CYP4Z1: variants seen among roughly 807,000 people sequenced by gnomAD.
CYP4Z1 encodes the protein cytochrome P450 4Z1.
A neutral mutation model predicts 54.2 loss-of-function variants in CYP4Z1; 41 were observed. The ratio of observed to expected loss-of-function variants is 0.76; its 90% confidence interval spans 0.59 to 0.98. The LOEUF is 0.98. CYP4Z1 is among the 50% of genes least tolerant of loss of function. The pLI, the probability that CYP4Z1 is intolerant of heterozygous loss-of-function variation, is 0.00. For synonymous variants in CYP4Z1, 163 were observed against 206.2 expected (o/e 0.79, Z 1.79); for missense variants, 513 against 599.0 (o/e 0.86, Z 1.50).
rs375821452 is a variant in CYP4Z1 at position 47,068,778 on chromosome 1, G to A, written c.319+15G>A. 228 of 1,613,318 alleles carry A rather than the reference G, an allele frequency of 1.4e-4. 2 individuals carry two copies. In the South Asian group the frequency reaches 2.3e-3, roughly 16 times the overall value. ...GAAAAGACAAGGTAAAAACCAAGAGGGGCTCACAGTACAGAGCAGCAACAA... is the reference window on the plus strand; with the variant it reads ...GAAAAGACAAGGTAAAAACCAAGAGAGGCTCACAGTACAGAGCAGCAACAA... On this transcript the variant is annotated intron_variant, in intron 2 of 11. Transcript: ENST00000334194.
At position 47,067,668 on chromosome 1, in the gene CYP4Z1, G is replaced by T. The variant is rs548967488; in HGVS notation, c.177+1G>T. ...CCACTGGTTCTATGGCCACAAGGAG[G>T]TAAGAGGAGAAAATTAGTTGGGGAG... On this transcript the variant is annotated splice_donor_variant, in intron 1 of 11. Coordinates refer to ENST00000334194, the MANE Select transcript of CYP4Z1 (RefSeq NM_178134.3). LOFTEE classifies it high-confidence loss of function. 2.3e-3 allele frequency: 3,656 copies of T among 1,594,252 alleles called. 114 individuals are homozygous for T. In the South Asian group the frequency reaches 0.039, roughly 17 times the overall value.
At chr1:47,071,413 AT>A (rs1469077294) in intron 2 of CYP4Z1, among the ~76,000 whole-genome samples, 7 of 123,526 alleles carry the variant, frequency 5.7e-5, no homozygotes, top group Non-Finnish European at 1.2e-4. Flanking sequence ...AGAAAAAAAA[AT>A]AATAAAAAAT....
intron 2 of CYP4Z1, among the ~76,000 whole-genome samples, chr1:47,076,670 C>T (rs1280568624): frequency 2.0e-5 from 3 of 150,732 alleles, no homozygotes; most frequent in Non-Finnish European, 3.0e-5. Context: ...ACAGTGAAAC[C>T]CCGTCTCTAC....
At chr1:47,086,260 A>T (rs1179503368) in intron 6 of CYP4Z1, among the ~76,000 whole-genome samples, 1 of 152,176 alleles carries the variant, frequency 6.6e-6, no homozygotes, top group African/African-American at 2.4e-5. Flanking sequence ...ATCCTTGAGG[A>T]ATCGCCACAC....
chr1:47,066,942 T>C (rs12022635), upstream of CYP4Z1, among the ~76,000 whole-genome samples: 63,483 of 151,648 alleles, frequency 0.42, 14,633 homozygotes, highest in East Asian at 0.97. Flanking sequence ...TAATGTGTCA[T>C]TGTAGGTTCA....
chr1:47,060,674 A>G, the CYP4Z1 span, among the ~76,000 whole-genome samples: 1 of 152,212 alleles, frequency 6.6e-6, no homozygotes, highest in Non-Finnish European at 1.5e-5. Context: ...AAAAATATTC[A>G]GAACCTGAAC....
In CYP4Z1 at chr1:47,118,212, G is replaced by C. The variant is rs1644845056; in HGVS notation, c.*278G>C. On this transcript the variant is annotated 3_prime_UTR_variant, in exon 12 of 12. Transcript: ENST00000334194. ...AGTGGTAGAGTGGCTTTCAAGCATA[G>C]TTTGATCAAAACTCCACTCAGTATC... is the stretch of plus-strand genomic sequence containing the variant. The C allele has an allele frequency of 3.4e-6, 1 of 297,218 alleles. No homozygotes were observed. Among genetic ancestry groups the C allele is most frequent in the East Asian group, 6.4e-5 (1 of 15,580 alleles). The allele number at this position is 297,218 out of a possible 1,614,324, so 18.4% of individuals were successfully genotyped here. A position where few individuals can be genotyped will look rare whatever the true frequency, so the allele number is the denominator to read the frequency against.
intron 2 of CYP4Z1, among the ~76,000 whole-genome samples, chr1:47,069,439 C>A (rs1259539818): frequency 1.7e-5 from 2 of 120,822 alleles, no homozygotes; most frequent in Non-Finnish European, 3.3e-5. Context: ...AAATTTCAAG[C>A]AGCCTGTGGC....
chr1:47,097,265 G>A (rs899242524), intron 7 of CYP4Z1: 1 of 152,182 alleles, frequency 6.6e-6, no homozygotes, highest in African/African-American at 2.4e-5. Flanking sequence ...TAGTGCTGCA[G>A]TGAACATACA....
chr1:47,093,534 G>A (rs537087491), intron 6 of CYP4Z1, among the ~76,000 whole-genome samples: 1 of 152,288 alleles, frequency 6.6e-6, no homozygotes, highest in South Asian at 2.1e-4. Flanking sequence ...CAAATTGCCT[G>A]CTATTATGGC....
Position 47,105,719 on chromosome 1 carries a change from G to A in CYP4Z1, c.1068-409G>A, listed in dbSNP as rs6690005. Among the ~76,000 whole-genome samples the A allele has an allele frequency of 0.43, 65,393 of 151,986 alleles. 15,422 individuals carry two copies. The highest frequency in any genetic ancestry group is 0.96 in the East Asian group (4,970 of 5,170). ...GTGGAAGAGGCGAGTACCAGATGCC[G>A]CTAGTCAGCCATCTTAGAGCCACAT... On this transcript the variant is annotated intron_variant, in intron 8 of 11. Coordinates refer to ENST00000334194, the MANE Select transcript of CYP4Z1 (RefSeq NM_178134.3).
intron 4 of CYP4Z1, among the ~76,000 whole-genome samples, chr1:47,082,773 G>A (rs1644564488): frequency 6.6e-6 from 1 of 151,334 alleles, no homozygotes; most frequent in African/African-American, 2.4e-5. Flanking sequence ...GAGTAGCCAT[G>A]CCAACATAGA....
chr1:47,118,132 T>C lies in CYP4Z1; in HGVS notation c.*198T>C, dbSNP rs751813005. On this transcript the variant is annotated 3_prime_UTR_variant, in exon 12 of 12. Transcript: ENST00000334194. ...ATCTGGTGAAACCCACAAAAACACC[T>C]GAAAAAACTCAAGCTGACTTCCACT... 284 of 536,578 alleles carry C rather than the reference T, an allele frequency of 5.3e-4. No homozygotes were observed. The Middle Eastern group carries it at 6.6e-3, about 12-fold the overall frequency. The allele number at this position is 536,578 out of a possible 1,614,324, so 33.2% of individuals were successfully genotyped here. A position where few individuals can be genotyped will look rare whatever the true frequency, so the allele number is the denominator to read the frequency against.
chr1:47,097,415 C>A (rs968433182), intron 7 of CYP4Z1, among the ~76,000 whole-genome samples: 9 of 152,052 alleles, frequency 5.9e-5, no homozygotes, highest in African/African-American at 2.2e-4. Context: ...AATGGTATTG[C>A]CTAGATTTTT....
chr1:47,118,119 C>T lies in CYP4Z1; in HGVS notation c.*185C>T, dbSNP rs1290123317. The T allele has an allele frequency of 3.2e-5, 19 of 599,506 alleles. No individual in the cohort carries two copies. The highest frequency in any genetic ancestry group is 3.5e-5 in the Admixed American group (1 of 28,820). 37.1% of individuals were successfully genotyped at this position (599,506 alleles called of 1,614,324 possible). A position where few individuals can be genotyped will look rare whatever the true frequency, so the allele number is the denominator to read the frequency against. ...ATTTCTTTGCTGTATCTGGTGAAACCCACAAAAACACCTGAAAAAACTCAA... is the reference window on the plus strand; with the variant it reads ...ATTTCTTTGCTGTATCTGGTGAAACTCACAAAAACACCTGAAAAAACTCAA... On this transcript the variant is annotated 3_prime_UTR_variant, in exon 12 of 12. Transcript: ENST00000334194.
chr1:47,106,668 T>A (rs1644759917), intron 9 of CYP4Z1, among the ~76,000 whole-genome samples: 1 of 152,140 alleles, frequency 6.6e-6, no homozygotes, highest in South Asian at 2.1e-4. Context: ...ACTGGAGCAA[T>A]TGCTGTAATC....
At chr1:47,092,153 C>T (rs976375220) in intron 6 of CYP4Z1, among the ~76,000 whole-genome samples, 1 of 151,934 alleles carries the variant, frequency 6.6e-6, no homozygotes, top group African/African-American at 2.4e-5. Context: ...TGGACAGGGT[C>T]ACGCTGGCTT....
intron 2 of CYP4Z1, among the ~76,000 whole-genome samples, chr1:47,079,345 C>G (rs1644547548): frequency 1.3e-5 from 2 of 152,082 alleles, no homozygotes; most frequent in South Asian, 2.1e-4. Flanking sequence ...AAACAATTAA[C>G]TGTCTTCCAG....
At chr1:47,085,784 G>A (rs1644588844) in intron 6 of CYP4Z1, among the ~76,000 whole-genome samples, 1 of 151,518 alleles carries the variant, frequency 6.6e-6, no homozygotes, top group South Asian at 2.1e-4. Flanking sequence ...ATATTGATGT[G>A]TTGCACCCAT....
Sources: gnomAD v4.1 joint callset for allele counts (sites outside exome capture counted in the v4.1 genomes callset) on GRCh38, gnomAD v4.1.1 for gene constraint, MANE v1.5 for transcripts, NCBI Gene and HGNC (gene_info 2026-07-23, HGNC 2026-07-21) for gene names.